SPATC1L: variants seen among roughly 807,000 people sequenced by gnomAD.
SPATC1L encodes speriolin-like protein.
In SPATC1L, 20 loss-of-function variants were observed where a neutral mutation model predicts 21.2. The observed-to-expected ratio is 0.94, with a 90% CI of 0.66 to 1.37. SPATC1L has a LOEUF of 1.37. Ranked by LOEUF, SPATC1L falls within the 40% of genes most tolerant of loss-of-function variation. The probability of loss-of-function intolerance (pLI) is 0.00; values close to 1 mark genes in which losing one functional copy is unlikely to be tolerated. For missense variants in SPATC1L, 499 were observed against 478.7 expected, an observed-to-expected ratio of 1.04 and a Z score of -0.40; for synonymous variants, 290 against 234.5, an observed-to-expected ratio of 1.24 and a Z score of -2.16.
intron 2 of SPATC1L, among the ~76,000 whole-genome samples, chr21:46,178,947 A>T (rs1601392638): frequency 6.6e-6 from 1 of 152,036 alleles, no homozygotes; most frequent in Non-Finnish European, 1.5e-5. Context: ...TCTATTTTTT[A>T]AAAATAAATC....
intron 2 of SPATC1L, 100 bp downstream of exon 2, chr21:46,182,524 C>G (rs1414728843): frequency 2.6e-6 from 3 of 1,156,894 alleles, no homozygotes; most frequent in Non-Finnish European, 2.3e-6. Context: ...TGCCCGTGAC[C>G]TCCCGCATCA....
At chr21:46,161,781 C>T in intron 4 of SPATC1L, 76 bp from the exon 5 acceptor site, 2 of 1,482,576 alleles carry the variant, frequency 1.3e-6, no homozygotes, top group East Asian at 2.5e-5. Context: ...AGGGCCGATC[C>T]CTGCCCCGCC....
At position 46,168,518 on chromosome 21, in the gene SPATC1L, C is replaced by T; in HGVS notation, c.334G>A (p.Ala112Thr). The change falls in exon 3 of 5, where the codon GCA (alanine) becomes ACA (threonine). Residue 112 changes from alanine to threonine, a missense_variant. Transcript: ENST00000291672. ...GGACTGAGGAAGGCCTTGAAGGGTG[C>T]CTGGGAGGGGGCTGCACAGCCCGGG... ...TSPGCAAPSQAPFKAFLSPPE... is the reference protein window; with the variant it reads ...TSPGCAAPSQTPFKAFLSPPE... 1 of 1,542,600 alleles carries T rather than the reference C, an allele frequency of 6.5e-7. No homozygotes were observed. The highest frequency in any genetic ancestry group is 2.5e-5 in the East Asian group (1 of 40,648).
intron 2 of SPATC1L, among the ~76,000 whole-genome samples, chr21:46,182,245 CAGG>C (rs1257311348): frequency 1.3e-5 from 2 of 152,208 alleles, no homozygotes; most frequent in Non-Finnish European, 2.9e-5. Context: ...GCCCCTGACC[CAGG>C]AGAAGAGACA....
intron 2 of SPATC1L, among the ~76,000 whole-genome samples, chr21:46,179,273 C>T (rs1601392975): frequency 6.6e-6 from 1 of 151,756 alleles, no homozygotes. Context: ...GGGCCAGGCA[C>T]GGTGGCTCAC....
Position 46,177,418 on chromosome 21 carries a change from A to C in SPATC1L, c.193+5206T>G, listed in dbSNP as rs144988777. ...GGAACTTAAAGAAATCTACAAGAAAAAAACAAACAACCCCATTAAAAAGTG... is the reference window on the plus strand; with the variant it reads ...GGAACTTAAAGAAATCTACAAGAAACAAACAAACAACCCCATTAAAAAGTG... On this transcript the variant is annotated intron_variant, in intron 2 of 4. Transcript: ENST00000291672. Among the ~76,000 whole-genome samples, 721 of 152,348 alleles carry C rather than the reference A, an allele frequency of 4.7e-3. 5 individuals are homozygous for C. Among genetic ancestry groups the C allele is most frequent in the African/African-American group, 0.016 (674 of 41,562 alleles).
chr21:46,162,004 A>G lies in SPATC1L; in HGVS notation c.608T>C (p.Leu203Pro). 6.2e-7 allele frequency: 1 copy of G among 1,602,774 alleles called. No homozygotes were observed. The highest frequency in any genetic ancestry group is 8.5e-7 in the Non-Finnish European group (1 of 1,176,906). The change falls in exon 4 of 5, where the codon CTG becomes CCG. Residue 203 changes from leucine (L) to proline (P), a missense_variant. Coordinates refer to ENST00000291672, the MANE Select transcript of SPATC1L (RefSeq NM_001142854.2). ...CACGTAGGCCAGGATGCGGCGGTCC[A>G]GCTGGAAGGCGATCTCGCCCACCAC... ...ARVVGEIAFQ[L>P]DRRILAYVFP...
At chr21:46,169,315 A>G in intron 2 of SPATC1L, among the ~76,000 whole-genome samples, 1 of 148,340 alleles carries the variant, frequency 6.7e-6, no homozygotes, top group South Asian at 2.2e-4. Flanking sequence ...GATGGGGAGG[A>G]GCCTCCTGCT....
chr21:46,183,552 G>A lies in SPATC1L; in HGVS notation c.-736C>T, dbSNP rs1416354463. 8.0e-6 allele frequency: 1 copy of A among 125,044 alleles called. No individual in the cohort carries two copies. Among genetic ancestry groups the A allele is most frequent in the African/African-American group, 3.9e-5 (1 of 25,680 alleles). The allele number at this position is 125,044 out of a possible 1,614,324, so 7.7% of individuals were successfully genotyped here. A position where few individuals can be genotyped will look rare whatever the true frequency, so the allele number is the denominator to read the frequency against. ...GCCTGCGGGGGAGACCAGCCTGGGCGGGGAGATCAGCCTGGGGGAGGAGAC... is the reference window on the plus strand; with the variant it reads ...GCCTGCGGGGGAGACCAGCCTGGGCAGGGAGATCAGCCTGGGGGAGGAGAC... On this transcript the variant is annotated 5_prime_UTR_variant, in exon 2 of 5. Transcript: ENST00000291672.
Position 46,183,344 on chromosome 21 carries a change from G to T in SPATC1L, c.-528C>A. ...GCAACTGATGTGCAGGTGTTCATCA[G>T]GGTCCGTCCTTGGCACCCACACTTG... On this transcript the variant is annotated 5_prime_UTR_variant, in exon 2 of 5. In the 5' UTR this introduces an upstream ATG that the reference lacks. Transcript: ENST00000291672. 1 of 170,876 alleles carries T rather than the reference G, an allele frequency of 5.9e-6. No individual in the cohort carries two copies. The allele number at this position is 170,876 out of a possible 1,614,324, so 10.6% of individuals were successfully genotyped here. A position where few individuals can be genotyped will look rare whatever the true frequency, so the allele number is the denominator to read the frequency against.
intron 2 of SPATC1L, among the ~76,000 whole-genome samples, chr21:46,169,222 T>C (rs4819211): frequency 0.89 from 132,661 of 149,868 alleles, 58,913 homozygotes; most frequent in African/African-American, 0.97. Flanking sequence ...CAGCTGTAAT[T>C]GGCCTCCCGG....
chr21:46,167,843 A>G (rs1317632665), intron 3 of SPATC1L, among the ~76,000 whole-genome samples: 2 of 152,118 alleles, frequency 1.3e-5, no homozygotes, highest in East Asian at 3.8e-4. Flanking sequence ...AAACTATAAA[A>G]CTTCTAGAAC....
chr21:46,164,095 C>T (rs1399649531), intron 3 of SPATC1L, among the ~76,000 whole-genome samples: 1 of 152,164 alleles, frequency 6.6e-6, no homozygotes, highest in Non-Finnish European at 1.5e-5. Context: ...GCAACCTCTA[C>T]CTTCTGGGCT....
chr21:46,172,155 AGCGT>A, intron 2 of SPATC1L, among the ~76,000 whole-genome samples: 1 of 46,562 alleles, frequency 2.1e-5, no homozygotes. Context: ...GGATGCAAAG[AGCGT>A]GAGGCGGGGG....
chr21:46,161,786 C>G (rs1568995508), intron 4 of SPATC1L, 81 bp from the exon 5 acceptor site: 2 of 1,485,752 alleles, frequency 1.3e-6, no homozygotes, highest in East Asian at 4.9e-5. Flanking sequence ...CGATCCCTGC[C>G]CCGCCCGCCT....
In SPATC1L at chr21:46,168,330, G is replaced by T. The variant is rs536030302; in HGVS notation, c.522C>A (p.Thr174=). 12 of 1,592,210 alleles carry T rather than the reference G, an allele frequency of 7.5e-6. No individual in the cohort carries two copies. The South Asian group carries it at 1.3e-4, about 18-fold the overall frequency. The part of the protein sequence containing the change: ...SESSLPTGDR[T]RRSYYLNEIQ... ...TACCATTGAGGTAGTAGCTCCTCCT[G>T]GTCCTGTCCCCGGTGGGCAGGCTGC... The change falls in exon 3 of 5, where the codon ACC becomes ACA. Residue 174 remains threonine, a synonymous_variant. Coordinates refer to ENST00000291672, the MANE Select transcript of SPATC1L (RefSeq NM_001142854.2).
In SPATC1L at chr21:46,168,351, G is replaced by A; in HGVS notation, c.501C>T (p.Ser167=). The A allele has an allele frequency of 1.2e-6, 2 of 1,601,328 alleles. No individual in the cohort carries two copies. Among genetic ancestry groups the A allele is most frequent in the Non-Finnish European group, 1.7e-6 (2 of 1,170,222 alleles). The change falls in exon 3 of 5, where the codon AGC becomes AGT. Residue 167 remains serine, a synonymous_variant. Coordinates refer to ENST00000291672, the MANE Select transcript of SPATC1L (RefSeq NM_001142854.2). ...RPKKVCFSES[S]LPTGDRTRRS... The stretch of plus-strand genomic sequence containing the variant: ...TCCTGGTCCTGTCCCCGGTGGGCAG[G>A]CTGCTCTCCGAGAAACACACCTTCT...
chr21:46,162,157 T>C, intron 3 of SPATC1L, 90 bp from the exon 4 acceptor site: 2 of 1,319,682 alleles, frequency 1.5e-6, no homozygotes, highest in South Asian at 2.8e-5. Flanking sequence ...GGGCGGCTCC[T>C]CCACCCCCCT....
intron 3 of SPATC1L, among the ~76,000 whole-genome samples, chr21:46,162,667 A>C (rs1447502481): frequency 3.5e-5 from 5 of 144,578 alleles, no homozygotes; most frequent in Non-Finnish European, 7.5e-5. Flanking sequence ...ACTCACCGCA[A>C]CCTCCGCCTC....
Sources: gnomAD v4.1 joint callset for allele counts (sites outside exome capture counted in the v4.1 genomes callset) on GRCh38, gnomAD v4.1.1 for gene constraint, MANE v1.5 for transcripts, NCBI Gene and HGNC (gene_info 2026-07-23, HGNC 2026-07-21) for gene names.